Variants in CHLSN observed in about 807,000 individuals in gnomAD.
CHLSN encodes the protein cholesin.
the CHLSN span, among the ~76,000 whole-genome samples, chr7:1,130,715 G>T: frequency 6.6e-5 from 10 of 152,228 alleles, no homozygotes; most frequent in African/African-American, 2.2e-4. Flanking sequence ...GCCCCGGGCG[G>T]GTGGGGGCGG....
chr7:1,066,249 AAAATACCGAC>A, the CHLSN span, among the ~76,000 whole-genome samples: 1 of 149,446 alleles, frequency 6.7e-6, no homozygotes, highest in Non-Finnish European at 1.5e-5. Flanking sequence ...CGGAATGGGA[AAAATACCGAC>A]AAACGCAGCA....
the CHLSN span, among the ~76,000 whole-genome samples, chr7:981,531 T>C: frequency 6.6e-6 from 1 of 151,060 alleles, no homozygotes; most frequent in South Asian, 2.1e-4. Context: ...CTGGCCAACA[T>C]GGTGAAACCC....
the CHLSN span, among the ~76,000 whole-genome samples, chr7:1,007,704 C>G: frequency 5.3e-5 from 8 of 152,156 alleles, no homozygotes; most frequent in Non-Finnish European, 1.0e-4. Flanking sequence ...AGTCCCCCCT[C>G]CTCCCACACG....
At chr7:1,066,556 G>A in the CHLSN span, among the ~76,000 whole-genome samples, 174 of 152,354 alleles carry the variant, frequency 1.1e-3, 2 homozygotes, top group Middle Eastern at 3.4e-3. Context: ...CGTGGAAAAA[G>A]CTGGAGGAGA....
the CHLSN span, chr7:1,058,143 C>G: frequency 1.3e-6 from 1 of 744,592 alleles, no homozygotes; most frequent in South Asian, 1.4e-5. Context: ...GCTGGTGCTA[C>G]TCTCCCGCGT....
chr7:998,434 T>C, the CHLSN span, among the ~76,000 whole-genome samples: 2 of 151,576 alleles, frequency 1.3e-5, no homozygotes, highest in Non-Finnish European at 2.9e-5. Flanking sequence ...GCTAGTTCTG[T>C]ATGCAGTGCA....
the CHLSN span, among the ~76,000 whole-genome samples, chr7:1,060,840 C>T: frequency 6.6e-6 from 1 of 152,190 alleles, no homozygotes; most frequent in East Asian, 1.9e-4. Flanking sequence ...CTGGGCTTCC[C>T]ATCTCCATGC....
At chr7:1,010,894 C>A in the CHLSN span, among the ~76,000 whole-genome samples, 1 of 151,714 alleles carries the variant, frequency 6.6e-6, no homozygotes, top group Non-Finnish European at 1.5e-5. Context: ...AGACTCCGAG[C>A]AAGGCCAGGA....
the CHLSN span, among the ~76,000 whole-genome samples, chr7:995,149 C>A: frequency 6.6e-6 from 1 of 152,262 alleles, no homozygotes; most frequent in African/African-American, 2.4e-5. Flanking sequence ...GCACATGTGG[C>A]CCGACGTGGC....
At chr7:1,000,649 G>C in the CHLSN span, 1 of 958,886 alleles carries the variant, frequency 1.0e-6, no homozygotes, top group Non-Finnish European at 1.6e-6. Flanking sequence ...TTAGGAGAGG[G>C]AGCCCCACCA....
At chr7:989,336 C>CT in the CHLSN span, 2 of 160,086 alleles carry the variant, frequency 1.2e-5, no homozygotes, top group African/African-American at 4.8e-5. Context: ...GTGCCAGACT[C>CT]TGAGCCAAGC....
chr7:1,010,048 C>T, the CHLSN span: 2 of 1,611,718 alleles, frequency 1.2e-6, no homozygotes, highest in African/African-American at 1.3e-5. Flanking sequence ...TCTCCTCTTT[C>T]TTCCGTTCCT....
At chr7:1,097,406 T>G in the CHLSN span, among the ~76,000 whole-genome samples, 1 of 152,060 alleles carries the variant, frequency 6.6e-6, no homozygotes, top group Non-Finnish European at 1.5e-5. The surrounding 1 kb of genome is among the most constrained non-coding windows in gnomAD (Gnocchi z 4.3). Flanking sequence ...AGCAGTAAGA[T>G]GAGTAAGAAG....
chr7:1,032,665 G>T, the CHLSN span, among the ~76,000 whole-genome samples: 1 of 152,050 alleles, frequency 6.6e-6, no homozygotes. Flanking sequence ...GCCCTCAGAG[G>T]CTGCAGCCAC....
chr7:1,070,700 G>A, the CHLSN span, among the ~76,000 whole-genome samples: 1,365 of 133,300 alleles, frequency 0.01, 5 homozygotes, highest in Non-Finnish European at 0.016. Context: ...ATGCACACGC[G>A]AGCACATGAA....
At chr7:1,081,076 G>A in the CHLSN span, among the ~76,000 whole-genome samples, 1 of 152,238 alleles carries the variant, frequency 6.6e-6, no homozygotes, top group Non-Finnish European at 1.5e-5. Flanking sequence ...GGAGGAGGGG[G>A]AGCACGCCCC....
chr7:1,016,600 AG>A, the CHLSN span, among the ~76,000 whole-genome samples: 20 of 66,028 alleles, frequency 3.0e-4, no homozygotes, highest in Non-Finnish European at 5.2e-4. Flanking sequence ...ACCACACAGC[AG>A]CGTACAGCAG....
At chr7:987,673 C>T in the CHLSN span, 2 of 867,614 alleles carry the variant, frequency 2.3e-6, no homozygotes, top group Non-Finnish European at 3.4e-6. Flanking sequence ...GGGCGTCCAG[C>T]CAGGAGCAGG....
At chr7:1,138,160 G>C in the CHLSN span, 1 of 151,858 alleles carries the variant, frequency 6.6e-6, no homozygotes, top group Non-Finnish European at 1.5e-5. Context: ...TGACCCGCCG[G>C]CCACCCCGCC....
Sources: allele counts gnomAD v4.1 joint callset (sites outside exome capture counted in the v4.1 genomes callset), GRCh38; gene constraint gnomAD v4.1.1; non-coding constraint Gnocchi (gnomAD v3.1); transcripts MANE v1.5; gene names NCBI Gene and HGNC (gene_info 2026-07-23, HGNC 2026-07-21).